MSRA: variants seen among roughly 807,000 people sequenced by gnomAD.
The protein encoded by MSRA is methionine sulfoxide reductase A, also known as mitochondrial peptide methionine sulfoxide reductase.
MSRA carries 54 observed loss-of-function variants against 31.3 expected under a neutral mutation model. The ratio of observed to expected loss-of-function variants is 1.73; its 90% CI spans 1.39 to 2.17. MSRA has a LOEUF of 2.17. Among genes scored for constraint, MSRA ranks in the 30% most tolerant of loss-of-function variants. The probability of loss-of-function intolerance (pLI) is 0.00; values close to 1 mark genes in which losing one functional copy is unlikely to be tolerated. For missense variants in MSRA, 507 were observed against 300.9 expected, an observed-to-expected ratio of 1.69 and a Z score of -5.07; for synonymous variants, 169 against 116.5, an observed-to-expected ratio of 1.45 and a Z score of -2.90.
chr8:10,340,808 T>C (rs1046774519), intron 5 of MSRA, among the ~76,000 whole-genome samples: 2 of 152,252 alleles, frequency 1.3e-5, no homozygotes, highest in African/African-American at 4.8e-5. Flanking sequence ...ACTTAAAACC[T>C]GCAAAGGCAT....
chr8:10,184,195 G>A (rs768839648), intron 1 of MSRA, among the ~76,000 whole-genome samples: 1 of 151,892 alleles, frequency 6.6e-6, no homozygotes, highest in African/African-American at 2.4e-5. Flanking sequence ...GGTGGAGGTG[G>A]TGTTGTTGCC....
At chr8:10,150,225 A>AT (rs1292312696) in intron 1 of MSRA, among the ~76,000 whole-genome samples, 1 of 152,084 alleles carries the variant, frequency 6.6e-6, no homozygotes, top group Non-Finnish European at 1.5e-5. Flanking sequence ...CTCTTTTCAA[A>AT]TTGAAGGAAG....
intron 3 of MSRA, among the ~76,000 whole-genome samples, chr8:10,272,487 C>T (rs1337200856): frequency 6.6e-6 from 1 of 152,206 alleles, no homozygotes; most frequent in Non-Finnish European, 1.5e-5. Context: ...TTGTTCTATT[C>T]AGGCCTTCAA....
chr8:10,324,912 A>G (rs4419814), intron 5 of MSRA, among the ~76,000 whole-genome samples: 116,814 of 152,190 alleles, frequency 0.77, 46,112 homozygotes, highest in Non-Finnish European at 0.87. Flanking sequence ...TGAGCTGCAC[A>G]TGTGTGAGCT....
At chr8:10,350,329 C>T (rs1378805443) in intron 5 of MSRA, among the ~76,000 whole-genome samples, 1 of 152,236 alleles carries the variant, frequency 6.6e-6, no homozygotes, top group Non-Finnish European at 1.5e-5. Context: ...TAGCCATGTT[C>T]CAAGTCTTCG....
chr8:10,361,606 G>T (rs1277140272), intron 5 of MSRA, among the ~76,000 whole-genome samples: 1 of 152,162 alleles, frequency 6.6e-6, no homozygotes, highest in Non-Finnish European at 1.5e-5. Flanking sequence ...ATTACTGGGA[G>T]AGCATACTTG....
intron 5 of MSRA, among the ~76,000 whole-genome samples, chr8:10,406,348 G>A (rs527868337): frequency 6.6e-6 from 1 of 152,332 alleles, no homozygotes; most frequent in East Asian, 1.9e-4. Flanking sequence ...CTTGAAGAAT[G>A]TGACCTTTCA....
intron 5 of MSRA, among the ~76,000 whole-genome samples, chr8:10,381,070 G>C (rs1806040235): frequency 6.6e-6 from 1 of 152,164 alleles, no homozygotes; most frequent in African/African-American, 2.4e-5. Context: ...TGGAGAGATG[G>C]ATTGATGGAT....
intron 5 of MSRA, among the ~76,000 whole-genome samples, chr8:10,326,187 C>G (rs929978608): frequency 6.6e-6 from 1 of 152,132 alleles, no homozygotes; most frequent in Non-Finnish European, 1.5e-5. Context: ...CCAGTGACCC[C>G]CTAGTACCCA....
intron 1 of MSRA, among the ~76,000 whole-genome samples, chr8:10,129,601 G>A (rs934482757): frequency 1.3e-5 from 2 of 152,082 alleles, no homozygotes; most frequent in African/African-American, 4.8e-5. Flanking sequence ...TCTCATGCAG[G>A]CTTAGAGCAC....
At chr8:10,350,358 C>A (rs914735942) in intron 5 of MSRA, among the ~76,000 whole-genome samples, 1 of 152,234 alleles carries the variant, frequency 6.6e-6, no homozygotes, top group African/African-American at 2.4e-5. Flanking sequence ...ATGCAGCCAG[C>A]AGTTAGAGTG....
chr8:10,245,443 C>A (rs112887514), intron 3 of MSRA, among the ~76,000 whole-genome samples: 1 of 152,200 alleles, frequency 6.6e-6, no homozygotes, highest in Admixed American at 6.5e-5. Context: ...TGTGGAACAA[C>A]CACTCTAAAA....
At chr8:10,083,618 C>G (rs1798399989) in intron 1 of MSRA, among the ~76,000 whole-genome samples, 2 of 152,122 alleles carry the variant, frequency 1.3e-5, no homozygotes, top group South Asian at 4.1e-4. Context: ...TTGGGCAGTT[C>G]CAGATCATTT....
chr8:10,373,522 C>G (rs766572675), intron 5 of MSRA, among the ~76,000 whole-genome samples: 4 of 152,286 alleles, frequency 2.6e-5, no homozygotes, highest in African/African-American at 4.8e-5. Flanking sequence ...CAGGCATGAG[C>G]TACCTTGCCC....
intron 1 of MSRA, among the ~76,000 whole-genome samples, chr8:10,148,127 G>A (rs1015739855): frequency 6.6e-6 from 1 of 152,194 alleles, no homozygotes; most frequent in South Asian, 2.1e-4. Context: ...CGGCTCTGCA[G>A]CCGGAAAGGA....
chr8:10,097,760 C>T (rs1163892600), intron 1 of MSRA, among the ~76,000 whole-genome samples: 1 of 152,022 alleles, frequency 6.6e-6, no homozygotes, highest in East Asian at 1.9e-4. Context: ...AATTATTTTC[C>T]AGCAGTATGA....
At chr8:10,279,517 A>C (rs887340412) in intron 3 of MSRA, among the ~76,000 whole-genome samples, 1 of 152,018 alleles carries the variant, frequency 6.6e-6, no homozygotes, top group Non-Finnish European at 1.5e-5. Flanking sequence ...CCTACCCCCC[A>C]CACGCCTTCT....
chr8:10,419,185 T>A (rs1808663218), intron 5 of MSRA, among the ~76,000 whole-genome samples: 1 of 152,170 alleles, frequency 6.6e-6, no homozygotes, highest in African/African-American at 2.4e-5. Context: ...TCTTGTGGAT[T>A]TGTATCATCC....
At chr8:10,308,500 G>A (rs554380329) in intron 4 of MSRA, among the ~76,000 whole-genome samples, 27 of 152,186 alleles carry the variant, frequency 1.8e-4, no homozygotes, top group African/African-American at 6.5e-4. Context: ...GCTCCATAAT[G>A]CCCTGTTAAA....
Sources: allele counts gnomAD v4.1 joint callset (sites outside exome capture counted in the v4.1 genomes callset), GRCh38; gene constraint gnomAD v4.1.1; transcripts MANE v1.5; gene names NCBI Gene and HGNC (gene_info 2026-07-23, HGNC 2026-07-21).